PLD5: variants seen among roughly 807,000 people sequenced by gnomAD.
PLD5 encodes inactive phospholipase D5.
A neutral mutation model predicts 61.1 loss-of-function variants in PLD5; 36 were observed. The ratio of observed to expected loss-of-function variants is 0.59; its 90% CI spans 0.45 to 0.78. PLD5 has a LOEUF of 0.78. Among genes scored for constraint, PLD5 ranks in the 30% least tolerant of loss-of-function variants. The pLI is 0.00. For synonymous variants in PLD5, 243 were observed against 242.8 expected (o/e 1.00, Z -0.01); for missense variants, 515 against 644.4 (o/e 0.80, Z 2.17).
At chr1:242,527,816 T>C (rs573364890), upstream of PLD5, among the ~76,000 whole-genome samples, 37 of 152,284 alleles carry the variant, frequency 2.4e-4, no homozygotes, top group African/African-American at 8.7e-4. Context: ...AATATGAGAA[T>C]TTTGCACCAA....
chr1:242,438,093 T>C (rs533256098), intron 1 of PLD5, among the ~76,000 whole-genome samples: 6 of 152,244 alleles, frequency 3.9e-5, no homozygotes, highest in African/African-American at 1.4e-4. Flanking sequence ...TGCAAGAGTT[T>C]TGGGGCATTC....
chr1:242,131,995 C>T (rs1663296535), intron 5 of PLD5, among the ~76,000 whole-genome samples: 1 of 151,532 alleles, frequency 6.6e-6, no homozygotes, highest in Admixed American at 6.6e-5. Flanking sequence ...CTATGCCTGG[C>T]TAATTTTTTA....
intron 1 of PLD5, among the ~76,000 whole-genome samples, chr1:242,440,822 C>T (rs956942096): frequency 1.6e-4 from 24 of 152,340 alleles, no homozygotes; most frequent in African/African-American, 5.5e-4. Context: ...CTCACTCCGC[C>T]TCCTCCTACT....
chr1:242,214,871 CTTTTT>C (rs71570942), intron 5 of PLD5, among the ~76,000 whole-genome samples: 3 of 92,458 alleles, frequency 3.2e-5, no homozygotes, highest in Admixed American at 1.3e-4. Flanking sequence ...CATTAAACAC[CTTTTT>C]TTTTTTTTTT....
chr1:242,249,041 G>A (rs71498889), intron 4 of PLD5, among the ~76,000 whole-genome samples: 7 of 152,236 alleles, frequency 4.6e-5, no homozygotes, highest in Admixed American at 2.0e-4. Context: ...CCAGCTACTC[G>A]GGAGGCAGAG....
At chr1:242,204,777 T>TTGCCC (rs1481567482) in intron 5 of PLD5, among the ~76,000 whole-genome samples, 2 of 152,288 alleles carry the variant, frequency 1.3e-5, no homozygotes, top group Admixed American at 1.3e-4. Flanking sequence ...GTGAAATAAC[T>TTGCCC]TGCCCTGGGT....
intron 1 of PLD5, among the ~76,000 whole-genome samples, chr1:242,376,632 TAACCCAAAAC>T (rs1031424727): frequency 6.6e-6 from 1 of 152,214 alleles, no homozygotes. Flanking sequence ...AGAAAAATTC[TAACCCAAAAC>T]AACTCAAATG....
rs7525645 is a variant in PLD5 at position 242,378,306 on chromosome 1, C to A, written c.190-30064G>T. Among the ~76,000 whole-genome samples, 622 of 152,102 alleles carry A rather than the reference C, an allele frequency of 4.1e-3. 3 individuals are homozygous for A. Among genetic ancestry groups the A allele is most frequent in the African/African-American group, 0.013 (542 of 41,496 alleles). ...CACTTACACGAGGTACTTAGTGTAG[C>A]CAAATTCAAAGAGAAAAAAGTAGAA... On this transcript the variant is annotated intron_variant, in intron 1 of 9. Transcript: ENST00000536534.
intron 1 of PLD5, among the ~76,000 whole-genome samples, chr1:242,457,623 T>A (rs921733419): frequency 2.0e-4 from 30 of 152,140 alleles, no homozygotes; most frequent in African/African-American, 7.0e-4. Flanking sequence ...AGAAATTTGC[T>A]GAAAAAGCAC....
At chr1:242,347,142 A>G (rs1018418755) in intron 2 of PLD5, among the ~76,000 whole-genome samples, 5 of 152,226 alleles carry the variant, frequency 3.3e-5, no homozygotes, top group Non-Finnish European at 5.9e-5. Context: ...GGTTAAACAT[A>G]AATGCCAATT....
intron 1 of PLD5, among the ~76,000 whole-genome samples, chr1:242,464,585 G>T (rs944617120): frequency 1.5e-4 from 23 of 152,342 alleles, no homozygotes; most frequent in African/African-American, 5.3e-4. Flanking sequence ...TACAGCCACT[G>T]TGGAAACAGT....
intron 9 of PLD5, among the ~76,000 whole-genome samples, chr1:242,092,592 T>C (rs577693222): frequency 6.6e-6 from 1 of 152,282 alleles, no homozygotes; most frequent in East Asian, 1.9e-4. Context: ...ACTGGCAGGC[T>C]TTAGGTGGAG....
intron 1 of PLD5, among the ~76,000 whole-genome samples, chr1:242,351,582 ATTG>A (rs1173844759): frequency 1.3e-5 from 2 of 152,124 alleles, no homozygotes; most frequent in Non-Finnish European, 2.9e-5. Flanking sequence ...TTCCACCATG[ATTG>A]TCCTCAGTCA....
At chr1:242,320,702 A>T (rs1162730036) in intron 2 of PLD5, among the ~76,000 whole-genome samples, 2 of 152,176 alleles carry the variant, frequency 1.3e-5, no homozygotes, top group Non-Finnish European at 2.9e-5. Flanking sequence ...TAAGAAAAAA[A>T]TAAATATACT....
chr1:242,471,248 A>T (rs2102949496), intron 1 of PLD5, among the ~76,000 whole-genome samples: 1 of 151,336 alleles, frequency 6.6e-6, no homozygotes, highest in South Asian at 2.1e-4. Flanking sequence ...CCAGCCCCAA[A>T]CCTTGTTCTG....
intron 1 of PLD5, among the ~76,000 whole-genome samples, chr1:242,348,908 G>C (rs1660306005): frequency 6.6e-6 from 1 of 152,116 alleles, no homozygotes; most frequent in East Asian, 1.9e-4. Flanking sequence ...CAAAAAATTA[G>C]CTGGGCGTGG....
intron 5 of PLD5, among the ~76,000 whole-genome samples, chr1:242,195,884 T>A (rs1668611097): frequency 6.6e-6 from 1 of 152,178 alleles, no homozygotes; most frequent in Non-Finnish European, 1.5e-5. Context: ...GATTCAAAGG[T>A]AAGAGTTAAC....
At chr1:242,107,900 C>CT (rs1280287126) in intron 7 of PLD5, 61 bp from the exon 8 acceptor site, 1 of 1,440,278 alleles carries the variant, frequency 6.9e-7, no homozygotes, top group Non-Finnish European at 9.5e-7. Flanking sequence ...AAGAAATTTA[C>CT]TAGACAGCAT....
intron 1 of PLD5, among the ~76,000 whole-genome samples, chr1:242,408,282 G>T (rs1217756231): frequency 6.6e-6 from 1 of 152,208 alleles, no homozygotes; most frequent in East Asian, 1.9e-4. Flanking sequence ...GATTTTCCTG[G>T]CAGAGAAAGG....
Sources: gnomAD v4.1 joint callset for allele counts (sites outside exome capture counted in the v4.1 genomes callset) on GRCh38, gnomAD v4.1.1 for gene constraint, MANE v1.5 for transcripts, NCBI Gene and HGNC (gene_info 2026-07-23, HGNC 2026-07-21) for gene names.